The following MCM4 variants were observed in gnomAD, a reference collection of about 807,000 sequenced individuals.
MCM4 encodes minichromosome maintenance complex component 4, also known as DNA replication licensing factor MCM4.
A neutral mutation model predicts 88.7 loss-of-function variants in MCM4; 60 were observed. The ratio of observed to expected loss-of-function variants is 0.68; its 90% CI spans 0.55 to 0.84. The LOEUF (loss-of-function observed/expected upper bound fraction) is 0.84. Ranked by LOEUF, MCM4 falls within the 40% of genes least tolerant of loss-of-function variation. The pLI is 0.00. For missense variants in MCM4, 1,149 were observed against 1,105.5 expected (o/e 1.04, Z -0.56); for synonymous variants, 465 against 410.5 (o/e 1.13, Z -1.61).
rs764262052 is a variant in MCM4, at chr8:47,974,828, A to G, written c.2231A>G (p.His744Arg). Reference sequence around the variant, plus strand: ...TCATTAATCCGCTTAGCAGAAGCCCATGCTAAAGTAAGATTGTCTAACAAA... The same window carrying G: ...TCATTAATCCGCTTAGCAGAAGCCCGTGCTAAAGTAAGATTGTCTAACAAA... ...LESLIRLAEA[H>R]AKVRLSNKVE... Residue 744 changes from histidine (H) to arginine (R), a missense_variant, in exon 15 of 17, where the codon CAT becomes CGT. By Grantham distance (29) the His-to-Arg change is conservative. Coordinates refer to ENST00000649973, the MANE Select transcript of MCM4 (RefSeq NM_182746.3). The G allele has an allele frequency of 2.5e-6, 4 of 1,614,250 alleles. No homozygotes were observed. Among genetic ancestry groups the G allele is most frequent in the East Asian group, 2.2e-5 (1 of 44,892 alleles).
In MCM4 at chr8:47,976,819, C is replaced by T. The variant is rs776840124; in HGVS notation, c.*41C>T. 1.6e-6 allele frequency: 2 copies of T among 1,264,530 alleles called. No individual in the cohort carries two copies. Among genetic ancestry groups the T allele is most frequent in the South Asian group, 2.4e-5 (2 of 83,900 alleles). The allele number at this position is 1,264,530 out of a possible 1,614,324, so 78.3% of individuals were successfully genotyped here. On this transcript the variant is annotated 3_prime_UTR_variant, in exon 17 of 17. Transcript: ENST00000649973. ...GAAGGCTCCCTGCATGTCCTGCTTG[C>T]TGCACGCCACATGGGTGTGGTCTGC...
Position 47,967,346 on chromosome 8 carries a change from T to C in MCM4, c.1054-19T>C, listed in dbSNP as rs1479744821. 6 of 1,613,868 alleles carry C rather than the reference T, an allele frequency of 3.7e-6. No individual in the cohort carries two copies. Among genetic ancestry groups the C allele is most frequent in the Non-Finnish European group, 4.2e-6 (5 of 1,179,904 alleles). ...CCCTCTCTTTGTGGCCCACATGTTC[T>C]CTGTTTGCTGACCTTCAGATCAAGC... On this transcript the variant is annotated intron_variant, in intron 9 of 16. Transcript: ENST00000649973.
rs746905424 is a variant in MCM4 at position 47,962,750 on chromosome 8, C to T, written c.502-14C>T. 6.5e-6 allele frequency: 10 copies of T among 1,542,028 alleles called. No individual in the cohort carries two copies. In the South Asian group the frequency reaches 8.3e-5, roughly 13 times the overall value. On this transcript the variant is annotated splice_polypyrimidine_tract_variant and intron_variant, in intron 5 of 16. Transcript: ENST00000649973. ...AATGCTATATGCCTAATACAGTTTT[C>T]TCTCCACTTAAAGAGATTTCTTCAG...
chr8:47,964,717 T>C lies in MCM4; in HGVS notation c.832+5T>C. ...TGAGAAACCTGAATCCAGAAGGTAA[T>C]GTATTTTTCATAGGATTACTTTTGT... On this transcript the variant is annotated splice_donor_5th_base_variant and intron_variant, in intron 8 of 16. Coordinates refer to ENST00000649973, the MANE Select transcript of MCM4 (RefSeq NM_182746.3). The C allele has an allele frequency of 6.5e-7, 1 of 1,538,582 alleles. No individual in the cohort carries two copies.
In MCM4 at chr8:47,962,984, G is replaced by A. The variant is rs773646030; in HGVS notation, c.637G>A (p.Glu213Lys). 1.2e-6 allele frequency: 2 copies of A among 1,607,670 alleles called. No individual in the cohort carries two copies. The highest frequency in any genetic ancestry group is 1.3e-5 in the African/African-American group (1 of 74,670). Residue 213 changes from glutamate (E) to lysine (K), a missense_variant, in exon 7 of 17, where the codon GAA becomes AAA. Glu to Lys is a moderately conservative substitution (Grantham distance 56). Around this residue, in one of 3 missense-constraint regions of MCM4, gnomAD observed 906 missense variants for 843.0 expected, o/e 1.07. Transcript: ENST00000649973. Reference sequence around the variant, plus strand: ...TGAGCCATTTTTAAATGTGAACTGTGAACACATCAAATCATTTGACAAAAA... The same window carrying A: ...TGAGCCATTTTTAAATGTGAACTGTAAACACATCAAATCATTTGACAAAAA... ...IGEPFLNVNC[E>K]HIKSFDKNLY...
chr8:47,971,303 CAG>C (rs1282847852), intron 12 of MCM4, 36 bp from the exon 13 acceptor site: 2 of 1,611,596 alleles, frequency 1.2e-6, no homozygotes, highest in Non-Finnish European at 1.7e-6. Flanking sequence ...TTGCCAGCGT[CAG>C]GGAGAGGCTT....
At position 47,970,844 on chromosome 8, in the gene MCM4, G is replaced by A; in HGVS notation, c.1768G>A (p.Val590Ile). The A allele has an allele frequency of 6.2e-7, 1 of 1,606,600 alleles. No homozygotes were observed. Among genetic ancestry groups the A allele is most frequent in the Non-Finnish European group, 8.5e-7 (1 of 1,174,246 alleles). Reference protein sequence around the residue: ...NESTRSVLHEVMEQQTLSIAK... With the variant: ...NESTRSVLHEIMEQQTLSIAK... ...AAGTACAAGATCGGTATTGCATGAAGTCATGGAACAGCAGACTCTGTCCAT... is the reference window on the plus strand; with the variant it reads ...AAGTACAAGATCGGTATTGCATGAAATCATGGAACAGCAGACTCTGTCCAT... Residue 590 changes from valine (V) to isoleucine (I), a missense_variant, in exon 12 of 17, where the codon GTC becomes ATC. By Grantham distance (29) the Val-to-Ile change is conservative. This residue lies in a region of MCM4 where 906 missense variants were observed against 843.0 expected (regional missense o/e 1.07). Coordinates refer to ENST00000649973, the MANE Select transcript of MCM4 (RefSeq NM_182746.3).
intron 13 of MCM4, among the ~76,000 whole-genome samples, chr8:47,972,555 G>GT (rs766714972): frequency 9.2e-5 from 14 of 152,140 alleles, no homozygotes; most frequent in Non-Finnish European, 1.9e-4. Flanking sequence ...GTTGTTTTGG[G>GT]TTTTTTTGTT....
intron 13 of MCM4, among the ~76,000 whole-genome samples, chr8:47,972,248 A>C (rs1196897476): frequency 2.6e-5 from 4 of 151,904 alleles, no homozygotes; most frequent in African/African-American, 7.3e-5. Flanking sequence ...AAAAAAAAAA[A>C]AAAAAAAAAC....
In MCM4 at chr8:47,964,684, T is replaced by C; in HGVS notation, c.804T>C (p.Thr268=). The C allele has an allele frequency of 6.3e-7, 1 of 1,587,232 alleles. No individual in the cohort carries two copies. The highest frequency in any genetic ancestry group is 1.2e-5 in the South Asian group (1 of 85,796). Residue 268 remains threonine, a synonymous_variant, in exon 8 of 17, where the codon ACT becomes ACC. Coordinates refer to ENST00000649973, the MANE Select transcript of MCM4 (RefSeq NM_182746.3). ...IQVRPFNALK[T]KNMRNLNPED... ...TAAGACCATTCAACGCATTGAAGAC[T>C]AAGAATATGAGAAACCTGAATCCAG...
intron 10 of MCM4, among the ~76,000 whole-genome samples, chr8:47,968,600 C>A (rs1419942187): frequency 6.6e-6 from 1 of 152,114 alleles, no homozygotes; most frequent in African/African-American, 2.4e-5. Flanking sequence ...TCATTCCGGG[C>A]CACTTTAAAC....
At chr8:47,961,950 ATATT>A (rs1462576176) in intron 3 of MCM4, 99 bp from the exon 4 acceptor site, 1 of 1,142,752 alleles carries the variant, frequency 8.8e-7, no homozygotes, top group East Asian at 2.4e-5. Flanking sequence ...GTTGCAATAA[ATATT>A]CAGTTTGCTG....
In MCM4 at chr8:47,973,131, C is replaced by T. The variant is rs543110710; in HGVS notation, c.2136+67C>T. 8.4e-5 allele frequency: 108 copies of T among 1,284,682 alleles called. 3 individuals carry two copies. In the South Asian group the frequency reaches 1.2e-3, roughly 14 times the overall value. The allele number at this position is 1,284,682 out of a possible 1,614,324, so 79.6% of individuals were successfully genotyped here. On this transcript the variant is annotated intron_variant, in intron 14 of 16. Transcript: ENST00000649973. ...AGCATTAATGTAACTGACCAATCAT[C>T]TCCTTTAAAATATTAATTATTTTGT...
At position 47,971,367 on chromosome 8, in the gene MCM4, G is replaced by A. The variant is rs1589832664; in HGVS notation, c.1827G>A (p.Ala609=). The A allele has an allele frequency of 6.8e-6, 11 of 1,613,974 alleles. No homozygotes were observed. The highest frequency in any genetic ancestry group is 6.8e-6 in the Non-Finnish European group (8 of 1,180,028). ...CTGGGATCATCTGTCAGCTCAATGC[G>A]CGCACCTCTGTCCTGGCAGCAGCAA... ...AKAGIICQLN[A]RTSVLAAANP... Residue 609 remains alanine, a synonymous_variant, in exon 13 of 17, where the codon GCG becomes GCA. Coordinates refer to ENST00000649973, the MANE Select transcript of MCM4 (RefSeq NM_182746.3).
At chr8:47,966,986 C>T (rs892156315) in intron 9 of MCM4, among the ~76,000 whole-genome samples, 7 of 152,234 alleles carry the variant, frequency 4.6e-5, no homozygotes, top group Admixed American at 2.0e-4. Context: ...AAGGCAGGCA[C>T]CCTGCTCCGC....
At chr8:47,962,493 G>A in intron 5 of MCM4, 87 bp downstream of exon 5, 6 of 1,338,290 alleles carry the variant, frequency 4.5e-6, no homozygotes, top group Non-Finnish European at 6.3e-6. Context: ...TAGCCATAAT[G>A]ACTAGAAGGG....
rs1303566578 is a variant in MCM4, at chr8:47,972,866, G to T, written c.1938G>T (p.Leu646Phe). ...LPHTLLSRFD[L>F]IFLLLDPQDE... Reference sequence around the variant, plus strand: ...TACTTTGTTTTCTTAGGTTTGATTTGATCTTCCTCTTGCTGGACCCTCAGG... The same window carrying T: ...TACTTTGTTTTCTTAGGTTTGATTTTATCTTCCTCTTGCTGGACCCTCAGG... The change falls in exon 14 of 17, where the codon TTG becomes TTT. Residue 646 changes from leucine (L) to phenylalanine (F), a missense_variant. Coordinates refer to ENST00000649973, the MANE Select transcript of MCM4 (RefSeq NM_182746.3). The T allele has an allele frequency of 6.2e-7, 1 of 1,613,874 alleles. No homozygotes were observed. Among genetic ancestry groups the T allele is most frequent in the South Asian group, 1.1e-5 (1 of 91,016 alleles).
In MCM4 at chr8:47,962,113, T is replaced by C. The variant is rs2154504995; in HGVS notation, c.296T>C (p.Val99Ala). 6.2e-7 allele frequency: 1 copy of C among 1,614,064 alleles called. No homozygotes were observed. The highest frequency in any genetic ancestry group is 8.5e-7 in the Non-Finnish European group (1 of 1,180,002). The change falls in exon 4 of 17, where the codon GTA becomes GCA. Residue 99 changes from valine (V) to alanine (A), a missense_variant. Val to Ala is a moderately conservative substitution (Grantham distance 64). This residue lies in a region of MCM4 where 906 missense variants were observed against 843.0 expected (regional missense o/e 1.07). Transcript: ENST00000649973. ...PLTYGTPSSR[V>A]EGTPRSGVRG... is the part of the protein sequence containing the mutation. ...ACATACGGCACTCCCAGCTCTCGGGTAGAGGGAACCCCAAGAAGTGGTGTT... is the reference window on the plus strand; with the variant it reads ...ACATACGGCACTCCCAGCTCTCGGGCAGAGGGAACCCCAAGAAGTGGTGTT...
At chr8:47,961,431 G>A (rs2090831749) in intron 2 of MCM4, 85 bp from the exon 3 acceptor site, 1 of 1,607,844 alleles carries the variant, frequency 6.2e-7, no homozygotes. Context: ...TCAGTGGTGA[G>A]TCATAATGCC....
Sources: gnomAD v4.1 joint callset for allele counts (sites outside exome capture counted in the v4.1 genomes callset) on GRCh38, gnomAD v4.1.1 for gene constraint, gnomAD v4.1.1 regional missense constraint, MANE v1.5 for transcripts, NCBI Gene and HGNC (gene_info 2026-07-23, HGNC 2026-07-21) for gene names.